The following BANK1 variants were observed in gnomAD, a reference collection of about 807,000 sequenced individuals.
BANK1 encodes the protein B-cell scaffold protein with ankyrin repeats.
A neutral mutation model predicts 94.5 loss-of-function variants in BANK1; 95 were observed. The observed-to-expected ratio is 1.00, with a 90% CI of 0.85 to 1.19. BANK1 has a LOEUF of 1.19. Ranked by LOEUF, BANK1 falls within the 50% of genes most tolerant of loss-of-function variation. BANK1 has a pLI of 0.00. For synonymous variants in BANK1, 334 were observed against 308.4 expected, an observed-to-expected ratio of 1.08 and a Z score of -0.87; for missense variants, 987 against 932.2, an observed-to-expected ratio of 1.06 and a Z score of -0.77.
chr4:101,946,070 CTT>C (rs1221808767), intron 7 of BANK1, among the ~76,000 whole-genome samples: 1 of 151,886 alleles, frequency 6.6e-6, no homozygotes, highest in Non-Finnish European at 1.5e-5. Context: ...AATAAGTAAA[CTT>C]AATTTTGGAT....
At chr4:101,862,905 C>G (rs1227900275) in intron 4 of BANK1, among the ~76,000 whole-genome samples, 3 of 152,020 alleles carry the variant, frequency 2.0e-5, no homozygotes, top group African/African-American at 7.2e-5. Context: ...TAACATCATA[C>G]ATTTTTAAAT....
At chr4:101,847,417 G>C (rs1578353587) in intron 2 of BANK1, among the ~76,000 whole-genome samples, 1 of 151,638 alleles carries the variant, frequency 6.6e-6, no homozygotes, top group Non-Finnish European at 1.5e-5. Context: ...AGTTATTGGG[G>C]TGCAGGTGGT....
intron 10 of BANK1, among the ~76,000 whole-genome samples, chr4:102,034,317 T>C (rs532911532): frequency 2.8e-4 from 43 of 152,206 alleles, no homozygotes; most frequent in Non-Finnish European, 5.1e-4. Context: ...ATGCTGGCTT[T>C]GCAGAAAGAC....
chr4:101,919,751 A>G (rs941272002), intron 7 of BANK1, among the ~76,000 whole-genome samples: 1 of 151,996 alleles, frequency 6.6e-6, no homozygotes, highest in African/African-American at 2.4e-5. Flanking sequence ...TATAGTTAAG[A>G]TAGATCAATT....
chr4:102,041,450 G>T (rs576101209), intron 10 of BANK1, among the ~76,000 whole-genome samples: 1 of 152,132 alleles, frequency 6.6e-6, no homozygotes, highest in Non-Finnish European at 1.5e-5. Context: ...CCAACTGAAA[G>T]CGATGAGAAG....
intron 7 of BANK1, among the ~76,000 whole-genome samples, chr4:101,922,584 C>T (rs1723034019): frequency 6.6e-6 from 1 of 151,654 alleles, no homozygotes; most frequent in Admixed American, 6.6e-5. Flanking sequence ...TAACTAGGTC[C>T]CATATGGTAA....
At chr4:101,848,853 C>G (rs1177098076) in intron 2 of BANK1, among the ~76,000 whole-genome samples, 1 of 152,114 alleles carries the variant, frequency 6.6e-6, no homozygotes, top group Non-Finnish European at 1.5e-5. Context: ...CATTCTCTTC[C>G]TAGTCTCTCA....
At chr4:101,838,005 G>T (rs944392244) in intron 2 of BANK1, among the ~76,000 whole-genome samples, 1 of 150,180 alleles carries the variant, frequency 6.7e-6, no homozygotes, top group South Asian at 2.1e-4. Flanking sequence ...TGTCACCCAG[G>T]CTGGAGTGCA....
At chr4:101,805,121 C>T (rs550464904) in intron 1 of BANK1, among the ~76,000 whole-genome samples, 1 of 152,186 alleles carries the variant, frequency 6.6e-6, no homozygotes, top group Non-Finnish European at 1.5e-5. Flanking sequence ...AAATTAAGAA[C>T]TATTTGACTG....
chr4:102,017,134 T>C (rs943509158), intron 7 of BANK1, among the ~76,000 whole-genome samples: 1 of 152,250 alleles, frequency 6.6e-6, no homozygotes, highest in Non-Finnish European at 1.5e-5. Flanking sequence ...CAAGTTGTTA[T>C]CTACAGGTTA....
chr4:101,817,190 G>A (rs1725950782), intron 1 of BANK1, among the ~76,000 whole-genome samples: 1 of 152,072 alleles, frequency 6.6e-6, no homozygotes, highest in Non-Finnish European at 1.5e-5. Flanking sequence ...TATACCCAAA[G>A]GAGTGTAAAT....
At chr4:102,061,151 T>C (rs1269494827) in intron 12 of BANK1, among the ~76,000 whole-genome samples, 1 of 152,220 alleles carries the variant, frequency 6.6e-6, no homozygotes, top group Non-Finnish European at 1.5e-5. Flanking sequence ...TAGGCCAAAG[T>C]ATAAATAATT....
rs114425058 is a variant in BANK1, at chr4:102,025,157, G to T, written c.1286-44G>T. On this transcript the variant is annotated intron_variant, in intron 8 of 16. Transcript: ENST00000322953. ...TTTTATAAAATATGAAATGCCTTCA[G>T]ATGGTGTGTTTAAATGAAATCATGC... 1,615 of 1,584,118 alleles carry T rather than the reference G, an allele frequency of 1.0e-3. 22 individuals carry two copies. The African/African-American group carries it at 0.019, about 19-fold the overall frequency.
intron 7 of BANK1, among the ~76,000 whole-genome samples, chr4:101,959,849 AT>A (rs2148918467): frequency 6.6e-6 from 1 of 152,310 alleles, no homozygotes; most frequent in African/African-American, 2.4e-5. Context: ...AAAATCATGA[AT>A]TATGGTTTAA....
At chr4:101,852,459 A>G (rs1421793853) in intron 2 of BANK1, among the ~76,000 whole-genome samples, 1 of 127,726 alleles carries the variant, frequency 7.8e-6, no homozygotes, top group Non-Finnish European at 1.6e-5. Flanking sequence ...GAACCACTCA[A>G]TATTTTTCGG....
chr4:101,858,285 A>G (rs975804864), intron 3 of BANK1, among the ~76,000 whole-genome samples: 1 of 152,126 alleles, frequency 6.6e-6, no homozygotes, highest in Non-Finnish European at 1.5e-5. Context: ...AGTGGGTAGA[A>G]CTCTGAAAGC....
In BANK1 at chr4:101,958,506, G is replaced by A. The variant is rs1167262877; in HGVS notation, c.1206+40317G>A. Among the ~76,000 whole-genome samples the A allele has an allele frequency of 3.5e-5, 4 of 115,924 alleles. No homozygotes were observed. The Admixed American group carries it at 4.3e-4, about 13-fold the overall frequency. 76.1% of individuals were successfully genotyped at this position (115,924 alleles called of 152,430 possible). ...TTTCTTAAAATATTTCTTGCTGTTT[G>A]TGATAGTTGGATGCCAGCTTGGCCC... On this transcript the variant is annotated intron_variant, in intron 7 of 16. Coordinates refer to ENST00000322953, the MANE Select transcript of BANK1 (RefSeq NM_017935.5).
chr4:101,839,601 G>T (rs1189304519), intron 2 of BANK1, among the ~76,000 whole-genome samples: 1 of 152,104 alleles, frequency 6.6e-6, no homozygotes, highest in Non-Finnish European at 1.5e-5. Context: ...TGGAAATTGA[G>T]AACCTATATT....
At chr4:101,927,323 A>T (rs540869900) in intron 7 of BANK1, among the ~76,000 whole-genome samples, 1 of 151,612 alleles carries the variant, frequency 6.6e-6, no homozygotes, top group South Asian at 2.1e-4. Context: ...TGATCTGATC[A>T]CCTCCCACCT....
Sources: allele counts gnomAD v4.1 joint callset (sites outside exome capture counted in the v4.1 genomes callset), GRCh38; gene constraint gnomAD v4.1.1; transcripts MANE v1.5; gene names NCBI Gene and HGNC (gene_info 2026-07-23, HGNC 2026-07-21).